Variants in MTOR observed in about 807,000 individuals in gnomAD.
MTOR encodes the protein mechanistic target of rapamycin kinase.
In MTOR, 70 loss-of-function variants were observed where a neutral mutation model predicts 319.8. That is an observed-to-expected ratio of 0.22 (90% confidence interval 0.18 to 0.27). The LOEUF (loss-of-function observed/expected upper bound fraction) is 0.27, where lower values mean the gene tolerates loss of function less well. Among genes scored for constraint, MTOR ranks in the 10% least tolerant of loss-of-function variants. The probability of loss-of-function intolerance (pLI) is 1.00; values close to 1 mark genes in which losing one functional copy is unlikely to be tolerated. For synonymous variants in MTOR, 1,183 were observed against 1,211.4 expected (o/e 0.98, Z 0.49); for missense variants, 1,890 against 3,274.4 (o/e 0.58, Z 10.32).
At chr1:11,112,547 C>T (rs567418480) in intron 54 of MTOR, among the ~76,000 whole-genome samples, 4 of 152,298 alleles carry the variant, frequency 2.6e-5, no homozygotes, top group African/African-American at 9.6e-5. Context: ...TGTCAAGAAC[C>T]ACGAGAAAAC....
chr1:11,169,720 T>C (rs1644752049), intron 28 of MTOR, among the ~76,000 whole-genome samples: 2 of 152,238 alleles, frequency 1.3e-5, no homozygotes, highest in Non-Finnish European at 2.9e-5. Flanking sequence ...TTTAGGTACA[T>C]AGTAGGACAT....
At chr1:11,187,246 G>A (rs1348347743) in intron 28 of MTOR, among the ~76,000 whole-genome samples, 1 of 147,644 alleles carries the variant, frequency 6.8e-6, no homozygotes, top group Non-Finnish European at 1.5e-5. Flanking sequence ...CACGTGGGAT[G>A]CTATACATCA....
chr1:11,148,666 C>A (rs534394028), intron 31 of MTOR, among the ~76,000 whole-genome samples: 1 of 151,984 alleles, frequency 6.6e-6, no homozygotes, highest in Non-Finnish European at 1.5e-5. Context: ...CTTTGGGAGG[C>A]CGAGGAGGAT....
intron 8 of MTOR, 115 bp downstream of exon 8, chr1:11,247,506 CAAAG>C (rs1649004720): frequency 1.2e-6 from 1 of 834,698 alleles, no homozygotes; most frequent in Non-Finnish European, 1.9e-6. Context: ...GGACATGAGA[CAAAG>C]AAATCAGAGA....
At chr1:11,204,746 G>T in intron 25 of MTOR, 43 bp from the exon 26 acceptor site, 1 of 1,581,352 alleles carries the variant, frequency 6.3e-7, no homozygotes, top group South Asian at 1.1e-5. Flanking sequence ...CAGTTTCAAG[G>T]GCCAATTGAA....
At chr1:11,149,390 T>G (rs1291693257) in intron 31 of MTOR, 1 of 152,208 alleles carries the variant, frequency 6.6e-6, no homozygotes, top group Non-Finnish European at 1.5e-5. Context: ...TCTTGAACAA[T>G]GAGCTTCCAG....
At chr1:11,193,762 T>G in intron 28 of MTOR, 1 of 1,613,994 alleles carries the variant, frequency 6.2e-7, no homozygotes, top group Non-Finnish European at 8.5e-7. Context: ...CCCGGCTGCG[T>G]GTAGAGATGG....
Position 11,232,612 on chromosome 1 carries a change from T to C in MTOR, c.2422-84A>G, listed in dbSNP as rs1647057632. The C allele has an allele frequency of 2.2e-5, 23 of 1,068,656 alleles. No homozygotes were observed. In the South Asian group the frequency reaches 3.0e-4, roughly 14 times the overall value. The allele number at this position is 1,068,656 out of a possible 1,614,324, so 66.2% of individuals were successfully genotyped here. The stretch of plus-strand genomic sequence containing the variant: ...TTTGGAGGCCGGGCACGGTGGCTCA[T>C]GCCTGTAATCCCAGCACTTTGGGAG... On this transcript the variant is annotated intron_variant, in intron 15 of 57. Coordinates refer to ENST00000361445, the MANE Select transcript of MTOR (RefSeq NM_004958.4).
chr1:11,138,023 T>A (rs1643511101), intron 36 of MTOR, among the ~76,000 whole-genome samples: 1 of 152,234 alleles, frequency 6.6e-6, no homozygotes, highest in African/African-American at 2.4e-5. Context: ...AGGTTCCTGA[T>A]TTTTAATTCC....
At chr1:11,261,266 C>A (rs971480081) in intron 1 of MTOR, among the ~76,000 whole-genome samples, 1 of 150,886 alleles carries the variant, frequency 6.6e-6, no homozygotes, top group South Asian at 2.1e-4. Flanking sequence ...GAAATCGAGA[C>A]CATCCTGGCC....
At chr1:11,116,808 T>C (rs1310844140) in intron 50 of MTOR, among the ~76,000 whole-genome samples, 196 bp downstream of exon 50, 1 of 152,180 alleles carries the variant, frequency 6.6e-6, no homozygotes, top group East Asian at 1.9e-4. Context: ...TTTCCTTTTC[T>C]TTAGTTTGAT....
chr1:11,200,941 G>T (rs1339601492), intron 26 of MTOR, among the ~76,000 whole-genome samples: 1 of 151,876 alleles, frequency 6.6e-6, no homozygotes, highest in African/African-American at 2.4e-5. Flanking sequence ...CTTGAACCTG[G>T]GAGGCAGAGT....
Position 11,127,033 on chromosome 1 carries a change from G to A in MTOR, c.6328C>T (p.Arg2110Ter), listed in dbSNP as rs2100401224. 6.2e-7 allele frequency: 1 copy of A among 1,614,102 alleles called. No individual in the cohort carries two copies. The highest frequency in any genetic ancestry group is 8.5e-7 in the Non-Finnish European group (1 of 1,180,028). The change falls in exon 45 of 58, where the codon CGA becomes TGA. Residue 2110 changes from arginine (R) to a stop codon, truncating the protein, a stop_gained. Coordinates refer to ENST00000361445, the MANE Select transcript of MTOR (RefSeq NM_004958.4). LOFTEE classifies it high-confidence loss of function. This position sits in a 1 kb window ranked among gnomAD's most constrained non-coding sequence, Gnocchi z 5.5. The part of the protein sequence containing the change: ...AWDLYYHVFR[R>*]ISKQLPQLTS... ...ACCTGAGGCAGCTGCTTTGAGATTCGTCGGAACACATGATAATAGAGGTCC... is the reference window on the plus strand; with the variant it reads ...ACCTGAGGCAGCTGCTTTGAGATTCATCGGAACACATGATAATAGAGGTCC...
chr1:11,133,119 G>A lies in MTOR; in HGVS notation c.5325C>T (p.Tyr1775=), dbSNP rs1449687772. The change falls in exon 38 of 58, where the codon TAC becomes TAT. Residue 1775 remains tyrosine (Y), a synonymous_variant. Transcript: ENST00000361445. This position sits in a 1 kb window ranked among gnomAD's most constrained non-coding sequence, Gnocchi z 4.0. ...GGTCGTGCTCTGTGGCGGCGCTGTA[G>A]TACTGCAGCACTTTGGGGATTGTGC... is the stretch of plus-strand genomic sequence containing the variant. The part of the protein sequence containing the change: ...NESTIPKVLQ[Y]YSAATEHDRS... The A allele has an allele frequency of 6.2e-7, 1 of 1,614,190 alleles. No individual in the cohort carries two copies.
At chr1:11,254,789 G>C (rs1650149193) in intron 5 of MTOR, among the ~76,000 whole-genome samples, 1 of 148,672 alleles carries the variant, frequency 6.7e-6, no homozygotes, top group South Asian at 2.1e-4. Context: ...TTTTGAGACA[G>C]AGTCTCACTC....
chr1:11,107,459 C>A lies in MTOR; in HGVS notation c.*26G>T, dbSNP rs368547407. On this transcript the variant is annotated 3_prime_UTR_variant, in exon 58 of 58. Transcript: ENST00000361445. ...TAAAGTACAAAAGCCTCAGAAAAAA[C>A]GTGATGGGCACATCTGGGCCTCCAG... 4 of 1,606,928 alleles carry A rather than the reference C, an allele frequency of 2.5e-6. No homozygotes were observed. Among genetic ancestry groups the A allele is most frequent in the South Asian group, 1.1e-5 (1 of 89,144 alleles).
intron 56 of MTOR, 137 bp from the exon 57 acceptor site, chr1:11,108,423 GAA>G: frequency 1.4e-6 from 1 of 730,948 alleles, no homozygotes. Flanking sequence ...AGTTGGATTT[GAA>G]AAGTTTGGCC....
intron 54 of MTOR, among the ~76,000 whole-genome samples, chr1:11,112,503 G>A (rs1405514455): frequency 1.3e-5 from 2 of 152,224 alleles, no homozygotes; most frequent in Admixed American, 1.3e-4. Flanking sequence ...CAGGTGATAA[G>A]CTAGCAGTAA....
chr1:11,244,403 C>T (rs1460573587), intron 8 of MTOR, among the ~76,000 whole-genome samples: 1 of 151,552 alleles, frequency 6.6e-6, no homozygotes, highest in Non-Finnish European at 1.5e-5. Context: ...GAGGCCAAGG[C>T]GGGTGGACTG....
Sources: gnomAD v4.1 joint callset for allele counts (sites outside exome capture counted in the v4.1 genomes callset) on GRCh38, gnomAD v4.1.1 for gene constraint, Gnocchi (gnomAD v3.1) non-coding constraint, MANE v1.5 for transcripts, NCBI Gene and HGNC (gene_info 2026-07-23, HGNC 2026-07-21) for gene names.